Variants in COX7B2 observed in about 807,000 individuals in gnomAD.
COX7B2 encodes the protein cytochrome c oxidase subunit 7B2, mitochondrial.
For missense variants in COX7B2, 109 were observed against 95.9 expected (o/e 1.14, Z -0.57); for synonymous variants, 37 against 32.1 (o/e 1.15, Z -0.51).
chr4:46,765,646 G>A (rs1461240294), intron 2 of COX7B2, among the ~76,000 whole-genome samples: 1 of 151,478 alleles, frequency 6.6e-6, no homozygotes, highest in Non-Finnish European at 1.5e-5. Flanking sequence ...CTCCAGGCTA[G>A]GCCCCATAAC....
chr4:46,784,216 A>G (rs772866889), intron 2 of COX7B2, among the ~76,000 whole-genome samples: 1 of 152,244 alleles, frequency 6.6e-6, no homozygotes, highest in Non-Finnish European at 1.5e-5. Flanking sequence ...TACAATGAGT[A>G]GACAAAATCA....
chr4:46,743,295 C>T (rs1165730987), intron 2 of COX7B2, among the ~76,000 whole-genome samples: 1 of 152,152 alleles, frequency 6.6e-6, no homozygotes, highest in Non-Finnish European at 1.5e-5. Context: ...CACATTTCTG[C>T]ATTCAAATCT....
chr4:46,902,913 T>C (rs2109899768), intron 1 of COX7B2, among the ~76,000 whole-genome samples: 1 of 152,138 alleles, frequency 6.6e-6, no homozygotes. Flanking sequence ...ATAAAAAATT[T>C]GTAGTCATTC....
intron 2 of COX7B2, among the ~76,000 whole-genome samples, chr4:46,774,728 T>C (rs1717061905): frequency 1.3e-5 from 2 of 152,210 alleles, no homozygotes; most frequent in Admixed American, 6.5e-5. Context: ...GGACCTCTTA[T>C]ATCCTCAAGT....
intron 2 of COX7B2, among the ~76,000 whole-genome samples, chr4:46,761,470 T>G (rs565972300): frequency 6.6e-6 from 1 of 152,290 alleles, no homozygotes; most frequent in South Asian, 2.1e-4. Context: ...TCATTCCCAC[T>G]GTTTTCTCCT....
intron 1 of COX7B2, among the ~76,000 whole-genome samples, chr4:46,908,956 A>G (rs1430763032): frequency 6.6e-6 from 1 of 151,950 alleles, no homozygotes; most frequent in Non-Finnish European, 1.5e-5. Context: ...AGGCAGGAGA[A>G]TGGCGTGAAC....
chr4:46,883,474 G>A (rs1718877033), intron 1 of COX7B2, among the ~76,000 whole-genome samples: 1 of 151,822 alleles, frequency 6.6e-6, no homozygotes. Flanking sequence ...GGTGGCTCAC[G>A]CTTGTAATTT....
At chr4:46,794,740 CAAT>C (rs958937035) in intron 2 of COX7B2, among the ~76,000 whole-genome samples, 4 of 152,024 alleles carry the variant, frequency 2.6e-5, no homozygotes, top group African/African-American at 7.2e-5. Context: ...GTCAAAACAG[CAAT>C]AATAATAATC....
intron 2 of COX7B2, among the ~76,000 whole-genome samples, chr4:46,786,860 G>A (rs150675907): frequency 2.9e-3 from 443 of 152,290 alleles, no homozygotes; most frequent in Middle Eastern, 0.01. Context: ...ACCTAAGAGA[G>A]TATGATAGGA....
intron 2 of COX7B2, among the ~76,000 whole-genome samples, chr4:46,808,177 T>G (rs180832598): frequency 2.6e-5 from 4 of 152,038 alleles, no homozygotes; most frequent in Admixed American, 2.0e-4. Flanking sequence ...TTTCTATTTA[T>G]TTGTGTCTTT....
chr4:46,833,968 A>G (rs1021779144), intron 2 of COX7B2, among the ~76,000 whole-genome samples: 2 of 152,196 alleles, frequency 1.3e-5, no homozygotes, highest in African/African-American at 4.8e-5. Context: ...TAGTACTGAG[A>G]AAACAAGGTC....
At chr4:46,797,092 TAAAAAAAAAAAAA>T (rs762801656) in intron 2 of COX7B2, among the ~76,000 whole-genome samples, 32 of 62,560 alleles carry the variant, frequency 5.1e-4, no homozygotes, top group East Asian at 1.9e-3. Flanking sequence ...TAGAGTATAA[TAAAAAAAAAAAAA>T]AAAAAAAAAA....
intron 1 of COX7B2, among the ~76,000 whole-genome samples, chr4:46,899,967 A>C (rs1294622940): frequency 6.6e-6 from 1 of 152,206 alleles, no homozygotes; most frequent in Non-Finnish European, 1.5e-5. Context: ...AGCCTCCTTC[A>C]ACATGGAAAT....
At chr4:46,819,305 A>G (rs1350736651) in intron 2 of COX7B2, among the ~76,000 whole-genome samples, 1 of 152,180 alleles carries the variant, frequency 6.6e-6, no homozygotes, top group Non-Finnish European at 1.5e-5. Flanking sequence ...CTACAGAGGT[A>G]TATCGACTCC....
At chr4:46,867,732 C>T (rs1717754766) in intron 1 of COX7B2, among the ~76,000 whole-genome samples, 1 of 152,192 alleles carries the variant, frequency 6.6e-6, no homozygotes, top group Non-Finnish European at 1.5e-5. Flanking sequence ...CCTACTTCAT[C>T]ATGATGGATT....
chr4:46,840,603 G>A (rs1458363633), intron 2 of COX7B2, among the ~76,000 whole-genome samples: 2 of 152,026 alleles, frequency 1.3e-5, no homozygotes, highest in African/African-American at 4.8e-5. Context: ...AAACCTGACT[G>A]AAGGCATGGG....
At chr4:46,813,983 A>T (rs531034058) in intron 2 of COX7B2, among the ~76,000 whole-genome samples, 49 of 152,296 alleles carry the variant, frequency 3.2e-4, no homozygotes, top group Middle Eastern at 3.4e-3. Flanking sequence ...CTGTAATGAG[A>T]TATTATCTCA....
At chr4:46,906,381 G>A (rs1394472403) in intron 1 of COX7B2, among the ~76,000 whole-genome samples, 4 of 152,106 alleles carry the variant, frequency 2.6e-5, no homozygotes, top group African/African-American at 9.7e-5. Context: ...TACAGACCTT[G>A]AATAGCATTT....
At chr4:46,818,271 T>C (rs183664841) in intron 2 of COX7B2, among the ~76,000 whole-genome samples, 21 of 152,324 alleles carry the variant, frequency 1.4e-4, no homozygotes, top group Admixed American at 1.2e-3. Context: ...TTTGTCAGTG[T>C]CTTTTACTGA....
Sources: gnomAD v4.1 joint callset for allele counts (sites outside exome capture counted in the v4.1 genomes callset) on GRCh38, gnomAD v4.1.1 for gene constraint, MANE v1.5 for transcripts, NCBI Gene and HGNC (gene_info 2026-07-23, HGNC 2026-07-21) for gene names.